Variants in MTMR11 observed in about 807,000 individuals in gnomAD.
MTMR11 encodes myotubularin-related protein 11.
Under a neutral mutation model 100.0 loss-of-function variants are expected in MTMR11, and 89 were observed. The observed-to-expected ratio is 0.89, with a 90% CI of 0.75 to 1.06. MTMR11 has a LOEUF of 1.06. Among genes scored for constraint, MTMR11 ranks in the 50% least tolerant of loss-of-function variants. The probability of loss-of-function intolerance (pLI) is 0.00; values close to 1 mark genes in which losing one functional copy is unlikely to be tolerated. For missense variants in MTMR11, 809 were observed against 873.7 expected (o/e 0.93, Z 0.93); for synonymous variants, 336 against 326.3 (o/e 1.03, Z -0.32).
intron 14 of MTMR11, 108 bp downstream of exon 14, chr1:149,930,684 C>G: frequency 1.5e-6 from 2 of 1,360,268 alleles, no homozygotes; most frequent in Non-Finnish European, 2.0e-6. Flanking sequence ...ATAAATCTCC[C>G]CCTCCCCACT....
chr1:149,935,726 C>T, intron 2 of MTMR11, 21 bp from the exon 3 acceptor site: 1 of 1,569,516 alleles, frequency 6.4e-7, no homozygotes, highest in African/African-American at 1.4e-5. Context: ...AGAAGGGAAG[C>T]CCTGTTATGA....
At chr1:149,930,016 G>A (rs977995812) in intron 15 of MTMR11, 100 bp from the exon 16 acceptor site, 45 of 1,243,328 alleles carry the variant, frequency 3.6e-5, no homozygotes, top group Non-Finnish European at 4.8e-5. Flanking sequence ...CCCACTCACT[G>A]CACTGGTGAC....
In MTMR11 at chr1:149,931,882, A is replaced by C. The variant is rs1049482544; in HGVS notation, c.1123+62T>G. On this transcript the variant is annotated intron_variant, in intron 12 of 16. Transcript: ENST00000439741. ...TTATGGGTCTCCCTCCCTGAATGCA[A>C]TCTGGTCAGGTGGGTAAAGAAAAGA... The C allele has an allele frequency of 3.4e-6, 5 of 1,451,312 alleles. No homozygotes were observed. The South Asian group carries it at 5.7e-5, about 17-fold the overall frequency. 89.9% of individuals were successfully genotyped at this position (1,451,312 alleles called of 1,614,324 possible).
chr1:149,931,892 G>T, intron 12 of MTMR11, 52 bp downstream of exon 12: 1 of 1,506,538 alleles, frequency 6.6e-7, no homozygotes, highest in Non-Finnish European at 9.2e-7. Context: ...ATCTGGTCAG[G>T]TGGGTAAAGA....
At chr1:149,931,861 G>T in intron 12 of MTMR11, 83 bp downstream of exon 12, 1 of 1,247,808 alleles carries the variant, frequency 8.0e-7, no homozygotes, top group Non-Finnish European at 1.2e-6. Flanking sequence ...GAAGCCTTAT[G>T]GGTCTCCCTC....
intron 10 of MTMR11, among the ~76,000 whole-genome samples, 184 bp from the exon 11 acceptor site, chr1:149,932,514 G>GTA (rs1553767913): frequency 6.6e-6 from 1 of 152,214 alleles, no homozygotes; most frequent in East Asian, 1.9e-4. Context: ...TCACTGAATT[G>GTA]TATACTTCAG....
intron 3 of MTMR11, 109 bp from the exon 4 acceptor site, chr1:149,935,468 A>T: frequency 6.4e-7 from 1 of 1,573,950 alleles, no homozygotes; most frequent in Non-Finnish European, 8.7e-7. Flanking sequence ...GTTCCCACTG[A>T]TTATCAATGA....
intron 10 of MTMR11, among the ~76,000 whole-genome samples, chr1:149,932,957 C>CT (rs201894021): frequency 0.91 from 124,675 of 137,024 alleles, 56,784 homozygotes; most frequent in East Asian, 0.99. Context: ...TCTCATCTGC[C>CT]TTTTTTTTTT....
chr1:149,931,901 GA>G, intron 12 of MTMR11, 42 bp downstream of exon 12: 1 of 1,551,080 alleles, frequency 6.4e-7, no homozygotes, highest in Non-Finnish European at 8.9e-7. Flanking sequence ...GGTGGGTAAA[GA>G]AAAGAGGCAA....
chr1:149,934,978 C>T lies in MTMR11; in HGVS notation c.468+8G>A, dbSNP rs782663312. The T allele has an allele frequency of 2.5e-6, 4 of 1,612,980 alleles. No homozygotes were observed. In the East Asian group the frequency reaches 8.9e-5, roughly 36 times the overall value. On this transcript the variant is annotated splice_region_variant and intron_variant, in intron 5 of 16. Transcript: ENST00000439741. ...TGAGGAGAAAGCCTCAGGTTAGGGGCCTCTTACCTGAAAAGCCTGAGGCTC... is the reference window on the plus strand; with the variant it reads ...TGAGGAGAAAGCCTCAGGTTAGGGGTCTCTTACCTGAAAAGCCTGAGGCTC...
At position 149,932,275 on chromosome 1, in the gene MTMR11, C is replaced by A; in HGVS notation, c.1041G>T (p.Leu347=). ...WLSALEGTRW[L]DYVRACLRKA... is the part of the protein sequence containing the mutation. The stretch of plus-strand genomic sequence containing the variant: ...AAGCGAGGGAGTACCTGACATAGTC[C>A]AGCCATCGTGTTCCTTCCAGGGCTG... The change falls in exon 11 of 17, where the codon CTG becomes CTT. Residue 347 remains leucine, a synonymous_variant. Coordinates refer to ENST00000439741, the MANE Select transcript of MTMR11 (RefSeq NM_001145862.2). 1 of 1,613,834 alleles carries A rather than the reference C, an allele frequency of 6.2e-7. No individual in the cohort carries two copies. The highest frequency in any genetic ancestry group is 8.5e-7 in the Non-Finnish European group (1 of 1,179,700).
Position 149,930,489 on chromosome 1 carries a change from G to C in MTMR11, c.1523C>G (p.Ser508Cys). Residue 508 changes from serine to cysteine, a missense_variant, in exon 15 of 17, where the codon TCT becomes TGT. Ser to Cys is a moderately radical substitution (Grantham distance 112, BLOSUM62 -1). Transcript: ENST00000439741. The stretch of plus-strand genomic sequence containing the variant: ...CCAGACAGACAGCTGCAGGTTAAAA[G>C]AGTTCCCAGCTGGAGGCTGGGAGTA... Reference protein sequence around the residue: ...PGYSQPPAGNSFNLQLSVWDW... With the variant: ...PGYSQPPAGNCFNLQLSVWDW... 1 of 1,614,158 alleles carries C rather than the reference G, an allele frequency of 6.2e-7. No homozygotes were observed. The highest frequency in any genetic ancestry group is 8.5e-7 in the Non-Finnish European group (1 of 1,180,008).
rs1298224689 is a variant in MTMR11, at chr1:149,936,120, T to A, written c.142+34A>T. The A allele has an allele frequency of 5.0e-6, 8 of 1,586,302 alleles. No homozygotes were observed. In the African/African-American group the frequency reaches 8.5e-5, roughly 17 times the overall value. ...AACAAGATTGGCGTAGGATGAAATT[T>A]GGAAGTCTTTGGAGAGTGATAGGGC... On this transcript the variant is annotated intron_variant, in intron 2 of 16. Coordinates refer to ENST00000439741, the MANE Select transcript of MTMR11 (RefSeq NM_001145862.2).
rs1559812039 is a variant in MTMR11 at position 149,936,638 on chromosome 1, C to T, written c.10G>A (p.Gly4Arg). 4.5e-6 allele frequency: 7 copies of T among 1,542,784 alleles called. No individual in the cohort carries two copies. The highest frequency in any genetic ancestry group is 5.3e-6 in the Non-Finnish European group (6 of 1,139,152). The change falls in exon 1 of 17, where the codon GGG becomes AGG. Residue 4 changes from glycine to arginine, a missense_variant. Coordinates refer to ENST00000439741, the MANE Select transcript of MTMR11 (RefSeq NM_001145862.2). Reference protein sequence around the residue: MWWGGRGQSFNIAP... With the variant: MWWRGRGQSFNIAP... ...ATGTTGAAACTCTGGCCCCGGCCCC[C>T]CCACCACATTTCTCTGGCTCCATCC...
Position 149,935,572 on chromosome 1 carries a change from C to T in MTMR11, c.264+12G>A, listed in dbSNP as rs587601567. The T allele has an allele frequency of 1.5e-4, 235 of 1,612,508 alleles. 4 individuals are homozygous for T. The South Asian group carries it at 2.5e-3, about 17-fold the overall frequency. On this transcript the variant is annotated intron_variant, in intron 3 of 16. Transcript: ENST00000439741. ...CCACTAGCTGTCATTTCTGTGGCCC[C>T]AACCATCTCACCTGATTCCACTGCC...
At chr1:149,935,781 G>T in intron 2 of MTMR11, 76 bp from the exon 3 acceptor site, 1 of 1,458,118 alleles carries the variant, frequency 6.9e-7, no homozygotes, top group Non-Finnish European at 9.2e-7. Context: ...ACCCCTCCAA[G>T]AAAGGGAGAT....
In MTMR11 at chr1:149,936,248, A is replaced by AGG. The variant is rs200895871; in HGVS notation, c.67-21_67-20dup. 4.2e-5 allele frequency: 68 copies of AGG among 1,613,468 alleles called. No individual in the cohort carries two copies. The African/African-American group carries it at 8.0e-4, about 19-fold the overall frequency. On this transcript the variant is annotated intron_variant, in intron 1 of 16. Coordinates refer to ENST00000439741, the MANE Select transcript of MTMR11 (RefSeq NM_001145862.2). Reference sequence around the variant, plus strand: ...GGACAGACTTTGGTCCAGAGGGTTGAGGGGGGTCTAGAGTTAACCCCTAGG... The same window carrying AGG: ...GGACAGACTTTGGTCCAGAGGGTTGAGGGGGGGGTCTAGAGTTAACCCCTAGG...
intron 11 of MTMR11, 99 bp downstream of exon 11, chr1:149,932,165 G>A (rs1175394042): frequency 4.9e-6 from 7 of 1,424,128 alleles, no homozygotes; most frequent in Non-Finnish European, 4.9e-6. Context: ...TTGGGAAACC[G>A]AGGAGAAGAA....
chr1:149,929,912 C>T lies in MTMR11; in HGVS notation c.1652G>A (p.Ser551Asn). 1 of 1,604,816 alleles carries T rather than the reference C, an allele frequency of 6.2e-7. No individual in the cohort carries two copies. The highest frequency in any genetic ancestry group is 8.5e-7 in the Non-Finnish European group (1 of 1,174,934). ...PDSWLPRPQP[S>N]FMVPGPPSSV... ...ACTGGGGGGTCCAGGAACCATGAAG[C>T]TTGGCTAAAAGGAAAAGAAAATCAA... The change falls in exon 16 of 17, where the codon AGC (serine) becomes AAC (asparagine). Residue 551 changes from serine (S) to asparagine (N), a missense_variant. Coordinates refer to ENST00000439741, the MANE Select transcript of MTMR11 (RefSeq NM_001145862.2).
Sources: allele counts gnomAD v4.1 joint callset (sites outside exome capture counted in the v4.1 genomes callset), GRCh38; gene constraint gnomAD v4.1.1; transcripts MANE v1.5; gene names NCBI Gene and HGNC (gene_info 2026-07-23, HGNC 2026-07-21).